The following EHMT1 variants were observed in gnomAD, a reference collection of about 807,000 sequenced individuals.
EHMT1 encodes the protein euchromatic histone lysine methyltransferase 1.
EHMT1 carries 15 observed loss-of-function variants against 147.2 expected under a neutral mutation model. That is an observed-to-expected ratio of 0.10 (90% CI 0.07 to 0.16). The LOEUF (loss-of-function observed/expected upper bound fraction) is 0.16. EHMT1 is among the 10% of genes least tolerant of loss of function. The pLI, the probability that EHMT1 is intolerant of heterozygous loss-of-function variation, is 1.00. For synonymous variants in EHMT1, 795 were observed against 709.6 expected (o/e 1.12, Z -1.91); for missense variants, 1,587 against 1,772.4 (o/e 0.90, Z 1.88).
intron 6 of EHMT1, chr9:137,745,870 C>G (rs1948503738): frequency 1.2e-5 from 3 of 245,066 alleles, no homozygotes; most frequent in Admixed American, 1.1e-4. Context: ...TCCTCACCTT[C>G]CCCAGCAGGG....
chr9:137,744,360 C>T (rs750368980), intron 6 of EHMT1, among the ~76,000 whole-genome samples: 1 of 150,426 alleles, frequency 6.6e-6, no homozygotes, highest in Non-Finnish European at 1.5e-5. Flanking sequence ...GTCTTGTTTT[C>T]ACCCACGCTG....
intron 4 of EHMT1, among the ~76,000 whole-genome samples, chr9:137,729,714 C>T (rs542929736): frequency 3.3e-5 from 5 of 152,296 alleles, no homozygotes; most frequent in Admixed American, 2.6e-4. Flanking sequence ...CCCGGCCCCC[C>T]CATGTATTAC....
intron 25 of EHMT1, among the ~76,000 whole-genome samples, chr9:137,821,882 A>G (rs1376642859): frequency 6.6e-6 from 1 of 152,070 alleles, no homozygotes; most frequent in Non-Finnish European, 1.5e-5. Flanking sequence ...GGTCTTGTAT[A>G]TGTTTTGTTG....
At chr9:137,780,784 A>G (rs1336301069) in intron 14 of EHMT1, among the ~76,000 whole-genome samples, 43 of 77,802 alleles carry the variant, frequency 5.5e-4, no homozygotes, top group African/African-American at 1.3e-3. Flanking sequence ...GATGACGCTG[A>G]GATGTGTGGT....
In EHMT1 at chr9:137,706,588, G is replaced by A. The variant is rs187055114; in HGVS notation, c.22-4379G>A. Among the ~76,000 whole-genome samples, 72 of 152,126 alleles carry A rather than the reference G, an allele frequency of 4.7e-4. 2 individuals carry two copies. In the East Asian group the frequency reaches 0.011, roughly 23 times the overall value. ...TGCAACCTCCGCCTCCTGGGTTAAA[G>A]ATATTCTCCTGCCTCAGCCTCCTGA... On this transcript the variant is annotated intron_variant, in intron 1 of 26. Coordinates refer to ENST00000460843, the MANE Select transcript of EHMT1 (RefSeq NM_024757.5).
At position 137,661,136 on chromosome 9, in the gene EHMT1, C is replaced by CA. The variant is rs1172991479; in HGVS notation, c.21+42094dup. Among the ~76,000 whole-genome samples the CA allele has an allele frequency of 5.9e-5, 9 of 152,184 alleles. No individual in the cohort carries two copies. The East Asian group carries it at 1.7e-3, about 29-fold the overall frequency. On this transcript the variant is annotated intron_variant, in intron 1 of 26. Transcript: ENST00000460843. ...TTAGTTTGAAATAATTTTAGACTTA[C>CA]AAAAAAAGTTGCAAAAATAATACAT... is the stretch of plus-strand genomic sequence containing the variant.
chr9:137,659,264 A>G (rs995686992), intron 1 of EHMT1, among the ~76,000 whole-genome samples: 8 of 151,998 alleles, frequency 5.3e-5, no homozygotes, highest in East Asian at 1.9e-4. Flanking sequence ...TGAAATGTCT[A>G]TAGATGTCCT....
chr9:137,727,124 T>G (rs942877757), intron 3 of EHMT1, among the ~76,000 whole-genome samples: 1 of 152,196 alleles, frequency 6.6e-6, no homozygotes, highest in Admixed American at 6.5e-5. Context: ...ACTATGTCCT[T>G]TGATGCACAT....
At chr9:137,737,015 C>A (rs1588446742) in intron 4 of EHMT1, among the ~76,000 whole-genome samples, 1 of 152,178 alleles carries the variant, frequency 6.6e-6, no homozygotes, top group Admixed American at 6.5e-5. Context: ...GCGGCCTGGG[C>A]AACATAGCAA....
chr9:137,642,269 T>C lies in EHMT1; in HGVS notation c.21+23220T>C, dbSNP rs1306631842. Among the ~76,000 whole-genome samples, 3 of 152,302 alleles carry C rather than the reference T, an allele frequency of 2.0e-5. No homozygotes were observed. The East Asian group carries it at 5.8e-4, about 29-fold the overall frequency. ...TTGTATTTGCTTTCTGCGTCTTCTG[T>C]CTTTTTTGTTACTTTCTGCCTCAGT... is the stretch of plus-strand genomic sequence containing the variant. On this transcript the variant is annotated intron_variant, in intron 1 of 26. Transcript: ENST00000460843.
intron 1 of EHMT1, among the ~76,000 whole-genome samples, chr9:137,671,425 T>C (rs1294348634): frequency 2.6e-5 from 4 of 151,752 alleles, no homozygotes; most frequent in African/African-American, 2.4e-5. Flanking sequence ...AGAAAACATA[T>C]AGTAAAAACC....
intron 1 of EHMT1, among the ~76,000 whole-genome samples, chr9:137,659,505 A>C (rs1938840652): frequency 1.3e-5 from 2 of 151,658 alleles, no homozygotes; most frequent in South Asian, 4.2e-4. Flanking sequence ...TCAGCCTTTC[A>C]AGTAGCTGGG....
At chr9:137,800,522 G>A (rs960586725) in intron 17 of EHMT1, 2 of 314,012 alleles carry the variant, frequency 6.4e-6, no homozygotes, top group African/African-American at 2.2e-5. Context: ...CTGGGCTTAC[G>A]AAGTTTCAGC....
intron 1 of EHMT1, chr9:137,620,151 T>C (rs1016506829): frequency 2.6e-5 from 4 of 152,168 alleles, no homozygotes; most frequent in African/African-American, 9.7e-5. Context: ...TGCAGGGGAA[T>C]TCTTAAATTC....
At chr9:137,817,979 G>T in intron 24 of EHMT1, 81 bp from the exon 25 acceptor site, 1 of 1,323,264 alleles carries the variant, frequency 7.6e-7, no homozygotes. Flanking sequence ...CTTTCCCTGT[G>T]GCTGCGGAGT....
At chr9:137,710,227 T>C (rs970039972) in intron 1 of EHMT1, among the ~76,000 whole-genome samples, 1 of 151,460 alleles carries the variant, frequency 6.6e-6, no homozygotes, top group Non-Finnish European at 1.5e-5. Context: ...ATCCCAGCAC[T>C]TTGGGAGGCT....
At chr9:137,713,729 C>G (rs1944952240) in intron 2 of EHMT1, among the ~76,000 whole-genome samples, 1 of 151,978 alleles carries the variant, frequency 6.6e-6, no homozygotes, top group Non-Finnish European at 1.5e-5. Flanking sequence ...GTGGGCAGAT[C>G]ACTTGAGGTC....
intron 25 of EHMT1, among the ~76,000 whole-genome samples, chr9:137,824,251 T>G (rs977397776): frequency 6.6e-6 from 1 of 152,110 alleles, no homozygotes; most frequent in Non-Finnish European, 1.5e-5. Flanking sequence ...AAGATGTGGG[T>G]TTGAAGTAAG....
At chr9:137,678,485 G>T (rs575918450) in intron 1 of EHMT1, among the ~76,000 whole-genome samples, 1 of 152,038 alleles carries the variant, frequency 6.6e-6, no homozygotes, top group Non-Finnish European at 1.5e-5. Flanking sequence ...CTTTCTGTCC[G>T]TGTCAGTTCC....
Sources: allele counts gnomAD v4.1 joint callset (sites outside exome capture counted in the v4.1 genomes callset), GRCh38; gene constraint gnomAD v4.1.1; transcripts MANE v1.5; gene names NCBI Gene and HGNC (gene_info 2026-07-23, HGNC 2026-07-21).